The following GABRG3 variants were observed in gnomAD, a reference collection of about 807,000 sequenced individuals.
GABRG3 encodes the protein gamma-aminobutyric acid receptor subunit gamma-3.
A neutral mutation model predicts 48.8 loss-of-function variants in GABRG3; 25 were observed. The observed-to-expected ratio is 0.51, with a 90% CI of 0.37 to 0.72. The LOEUF (loss-of-function observed/expected upper bound fraction) is 0.72, where lower values mean the gene tolerates loss of function less well. GABRG3 is among the 30% of genes least tolerant of loss of function. The pLI is 0.00. For missense variants in GABRG3, 394 were observed against 577.9 expected, an observed-to-expected ratio of 0.68 and a Z score of 3.26; for synonymous variants, 227 against 217.6, an observed-to-expected ratio of 1.04 and a Z score of -0.38.
intron 3 of GABRG3, among the ~76,000 whole-genome samples, chr15:27,232,288 A>G (rs975890506): frequency 6.6e-6 from 1 of 152,228 alleles, no homozygotes; most frequent in Non-Finnish European, 1.5e-5. Context: ...ATAATAACTC[A>G]GTACAATAAA....
At chr15:27,487,710 C>T (rs561497454) in intron 6 of GABRG3, among the ~76,000 whole-genome samples, 1 of 152,168 alleles carries the variant, frequency 6.6e-6, no homozygotes, top group South Asian at 2.1e-4. Flanking sequence ...TTACTGCTTC[C>T]AATATTTGAT....
chr15:27,014,907 T>C (rs1895750247), intron 2 of GABRG3, among the ~76,000 whole-genome samples: 2 of 152,310 alleles, frequency 1.3e-5, no homozygotes, highest in African/African-American at 4.8e-5. Context: ...TAGTTGTCTC[T>C]TCAGCTCTGC....
rs1400132836 is a variant in GABRG3 at position 27,130,285 on chromosome 15, C to T, written c.270+103464C>T. 4.6e-5 allele frequency among the ~76,000 whole-genome samples: 7 copies of T among 152,168 alleles called. No homozygotes were observed. In the East Asian group the frequency reaches 9.6e-4, roughly 21 times the overall value. ...TTTGCTTCTGGATATCCAGTTTTTT[C>T]AACACCCTTGTGGAAAGACTGTCCA... On this transcript the variant is annotated intron_variant, in intron 3 of 9. Transcript: ENST00000615808.
intron 2 of GABRG3, among the ~76,000 whole-genome samples, chr15:26,977,477 C>T (rs1210920444): frequency 6.6e-6 from 1 of 152,188 alleles, no homozygotes; most frequent in African/African-American, 2.4e-5. Context: ...TTCCTTCCCC[C>T]AAAATTTCTA....
intron 5 of GABRG3, chr15:27,365,881 T>A (rs1595707226): frequency 6.6e-6 from 1 of 152,184 alleles, no homozygotes; most frequent in South Asian, 2.1e-4. Flanking sequence ...GACAGTAGCA[T>A]CAAAAGCCAA....
intron 5 of GABRG3, among the ~76,000 whole-genome samples, chr15:27,333,909 A>G (rs549276293): frequency 7.2e-5 from 11 of 152,308 alleles, no homozygotes; most frequent in Admixed American, 3.9e-4. Context: ...AAAAAGGCAA[A>G]ATACAAATTT....
intron 5 of GABRG3, among the ~76,000 whole-genome samples, chr15:27,349,237 G>C (rs141246531): frequency 6.6e-6 from 1 of 151,514 alleles, no homozygotes; most frequent in Non-Finnish European, 1.5e-5. Context: ...CTATATATAC[G>C]GTATGTATAA....
At chr15:27,114,801 C>G (rs1007208190) in intron 3 of GABRG3, among the ~76,000 whole-genome samples, 1 of 145,762 alleles carries the variant, frequency 6.9e-6, no homozygotes, top group African/African-American at 2.5e-5. Context: ...AGTTATCATT[C>G]TTTTTTTTTT....
chr15:27,130,445 A>G (rs1272084831), intron 3 of GABRG3, among the ~76,000 whole-genome samples: 1 of 152,064 alleles, frequency 6.6e-6, no homozygotes, highest in Non-Finnish European at 1.5e-5. Flanking sequence ...TGATTACTGT[A>G]ACTTTGTAGT....
intron 3 of GABRG3, among the ~76,000 whole-genome samples, chr15:27,030,467 C>T (rs976538391): frequency 7.2e-5 from 11 of 152,202 alleles, no homozygotes; most frequent in Non-Finnish European, 1.3e-4. Context: ...TTCTAGTTAT[C>T]GAGATTAGAA....
chr15:27,307,880 T>C (rs1347421544), intron 3 of GABRG3, among the ~76,000 whole-genome samples: 2 of 92,226 alleles, frequency 2.2e-5, no homozygotes, highest in East Asian at 2.7e-4. Flanking sequence ...AATGTATATG[T>C]TTATATATAA....
chr15:27,434,257 G>C (rs111884281), intron 5 of GABRG3, among the ~76,000 whole-genome samples: 20 of 152,268 alleles, frequency 1.3e-4, no homozygotes, highest in Non-Finnish European at 2.5e-4. Flanking sequence ...TGTGTTTGTG[G>C]CTATGAAAAT....
At position 27,534,675 on chromosome 15, in the gene GABRG3, C is replaced by T. The variant is rs1159204587; in HGVS notation, c.*1794C>T. ...AAAAGTATCAATTTCACACAATGTCCTGGATGTATACCAGACACAGAAGAG... is the reference window on the plus strand; with the variant it reads ...AAAAGTATCAATTTCACACAATGTCTTGGATGTATACCAGACACAGAAGAG... On this transcript the variant is annotated 3_prime_UTR_variant, in exon 10 of 10. Coordinates refer to ENST00000615808, the MANE Select transcript of GABRG3 (RefSeq NM_033223.5). 6.6e-6 allele frequency: 1 copy of T among 152,124 alleles called. No individual in the cohort carries two copies. The highest frequency in any genetic ancestry group is 2.4e-5 in the African/African-American group (1 of 41,402). 9.4% of individuals were successfully genotyped at this position (152,124 alleles called of 1,614,324 possible). A position where few individuals can be genotyped will look rare whatever the true frequency, so the allele number is the denominator to read the frequency against.
chr15:27,374,362 C>T (rs1043544546), intron 5 of GABRG3, among the ~76,000 whole-genome samples: 3 of 152,028 alleles, frequency 2.0e-5, no homozygotes, highest in Non-Finnish European at 4.4e-5. Context: ...AACTCCTGGA[C>T]TCAAGCAATC....
At chr15:27,237,474 G>GCAGCCGGCAGTCGCCAA (rs1331353359) in intron 3 of GABRG3, among the ~76,000 whole-genome samples, 3 of 152,330 alleles carry the variant, frequency 2.0e-5, no homozygotes, top group East Asian at 3.9e-4. Context: ...CCTCACGCCA[G>GCAGCCGGCAGTCGCCAA]CAGCCGGCAG....
chr15:27,026,906 A>G (rs528171585), intron 3 of GABRG3, 85 bp downstream of exon 3: 2 of 911,940 alleles, frequency 2.2e-6, no homozygotes, highest in East Asian at 2.7e-5. Flanking sequence ...TTTGAGATTT[A>G]TCATGCCGGT....
intron 5 of GABRG3, among the ~76,000 whole-genome samples, chr15:27,449,043 G>T (rs1889029646): frequency 1.3e-5 from 2 of 152,156 alleles, no homozygotes; most frequent in African/African-American, 4.8e-5. Context: ...TAGAGTGGGT[G>T]CCCTGTCCAA....
intron 3 of GABRG3, among the ~76,000 whole-genome samples, chr15:27,040,983 G>A (rs1011343170): frequency 1.6e-4 from 25 of 152,210 alleles, no homozygotes; most frequent in Admixed American, 7.2e-4. Flanking sequence ...GTGCTCGTGC[G>A]GGGAGAAACC....
intron 3 of GABRG3, among the ~76,000 whole-genome samples, chr15:27,123,536 A>G (rs1476398124): frequency 6.6e-6 from 1 of 152,194 alleles, no homozygotes; most frequent in Non-Finnish European, 1.5e-5. Flanking sequence ...CAGTCTCTAG[A>G]ACTGTGAGCA....
Sources: gnomAD v4.1 joint callset for allele counts (sites outside exome capture counted in the v4.1 genomes callset) on GRCh38, gnomAD v4.1.1 for gene constraint, MANE v1.5 for transcripts, NCBI Gene and HGNC (gene_info 2026-07-23, HGNC 2026-07-21) for gene names.